The following FOXP2 variants were observed in gnomAD, a reference collection of about 807,000 sequenced individuals.
FOXP2 encodes forkhead box protein P2.
A neutral mutation model predicts 115.8 loss-of-function variants in FOXP2; 12 were observed. The observed-to-expected ratio is 0.10, with a 90% CI of 0.07 to 0.17. The LOEUF (loss-of-function observed/expected upper bound fraction) is 0.17, where lower values mean the gene tolerates loss of function less well. FOXP2 is among the 10% of genes least tolerant of loss of function. The probability of loss-of-function intolerance (pLI) is 1.00; values close to 1 mark genes in which losing one functional copy is unlikely to be tolerated. For synonymous variants in FOXP2, 328 were observed against 297.7 expected (o/e 1.10, Z -1.05); for missense variants, 629 against 843.5 (o/e 0.75, Z 3.15).
intron 2 of FOXP2, among the ~76,000 whole-genome samples, chr7:114,387,858 G>A (rs116440780): frequency 0.011 from 1,690 of 152,016 alleles, 32 homozygotes; most frequent in African/African-American, 0.039. Flanking sequence ...AGAAAGGGAG[G>A]GGTTATGGAG....
chr7:114,137,653 A>T (rs140839484), intron 1 of FOXP2, among the ~76,000 whole-genome samples: 1 of 151,594 alleles, frequency 6.6e-6, no homozygotes, highest in African/African-American at 2.4e-5. Context: ...ATTAAAAAAA[A>T]TGATTTATTT....
At chr7:114,525,270 C>G (rs1323866899) in intron 2 of FOXP2, among the ~76,000 whole-genome samples, 1 of 152,122 alleles carries the variant, frequency 6.6e-6, no homozygotes, top group African/African-American at 2.4e-5. Context: ...CAAAAGTCTT[C>G]GCCTGGAATA....
intron 2 of FOXP2, among the ~76,000 whole-genome samples, chr7:114,466,675 G>C (rs961234459): frequency 6.6e-6 from 1 of 152,198 alleles, no homozygotes; most frequent in South Asian, 2.1e-4. Context: ...TGGAACACTT[G>C]TGTTGAAACT....
At chr7:114,263,415 TCCCTTTC>T (rs1795812341) in intron 1 of FOXP2, among the ~76,000 whole-genome samples, 1 of 151,206 alleles carries the variant, frequency 6.6e-6, no homozygotes, top group African/African-American at 2.4e-5. Context: ...TTTTTCCTTT[TCCCTTTC>T]CCTTTCCTTT....
At chr7:114,399,448 C>T (rs1177941182) in intron 2 of FOXP2, among the ~76,000 whole-genome samples, 1 of 152,126 alleles carries the variant, frequency 6.6e-6, no homozygotes, top group Non-Finnish European at 1.5e-5. Context: ...ATTTTTCTGA[C>T]TGGCTTACAA....
chr7:114,429,306 A>C (rs182600883), intron 2 of FOXP2, among the ~76,000 whole-genome samples: 49 of 151,550 alleles, frequency 3.2e-4, no homozygotes, highest in African/African-American at 1.1e-3. Context: ...GATATCTTTA[A>C]ATTTTAAAGT....
At chr7:114,338,869 A>G (rs1307902329) in intron 2 of FOXP2, among the ~76,000 whole-genome samples, 2 of 151,062 alleles carry the variant, frequency 1.3e-5, no homozygotes, top group African/African-American at 4.8e-5. Context: ...ACCAGGTGTT[A>G]TTTCTAATAT....
At chr7:114,473,408 T>C (rs1264666895) in intron 2 of FOXP2, among the ~76,000 whole-genome samples, 1 of 152,194 alleles carries the variant, frequency 6.6e-6, no homozygotes, top group East Asian at 1.9e-4. Context: ...GTAGAGGCCA[T>C]AGTAGGCAGG....
At chr7:114,315,507 AT>A (rs1797254551) in intron 2 of FOXP2, among the ~76,000 whole-genome samples, 1 of 152,070 alleles carries the variant, frequency 6.6e-6, no homozygotes, top group South Asian at 2.1e-4. Flanking sequence ...GAAGTATTAT[AT>A]TTTGGGCTAG....
At chr7:114,644,176 G>A (rs548874459) in intron 7 of FOXP2, among the ~76,000 whole-genome samples, 1 of 152,222 alleles carries the variant, frequency 6.6e-6, no homozygotes, top group African/African-American at 2.4e-5. Flanking sequence ...TAAAGCTAAT[G>A]AATACTGTTC....
chr7:114,468,629 T>A (rs1464998889), intron 2 of FOXP2, among the ~76,000 whole-genome samples: 1 of 152,122 alleles, frequency 6.6e-6, no homozygotes, highest in African/African-American at 2.4e-5. Flanking sequence ...TTCTCATTCT[T>A]TTTAAATCTC....
chr7:114,585,819 A>AT (rs1044368333), intron 3 of FOXP2, among the ~76,000 whole-genome samples: 4 of 152,038 alleles, frequency 2.6e-5, no homozygotes, highest in Non-Finnish European at 5.9e-5. Flanking sequence ...GGGAGCTGAA[A>AT]TTTTTTTTAA....
intron 1 of FOXP2, among the ~76,000 whole-genome samples, chr7:114,091,435 G>A (rs551953044): frequency 4.5e-4 from 69 of 151,884 alleles, no homozygotes; most frequent in African/African-American, 1.6e-3. Context: ...TAGTTGCCTT[G>A]GCGATTTGCT....
intron 1 of FOXP2, among the ~76,000 whole-genome samples, chr7:114,144,630 A>G (rs1451574854): frequency 6.6e-6 from 1 of 152,132 alleles, no homozygotes; most frequent in Non-Finnish European, 1.5e-5. Context: ...AGTTTAAATT[A>G]TGATATATTA....
chr7:114,281,562 C>T (rs1796337514), intron 1 of FOXP2, among the ~76,000 whole-genome samples: 1 of 152,092 alleles, frequency 6.6e-6, no homozygotes, highest in Admixed American at 6.6e-5. Flanking sequence ...TTGATGATTG[C>T]TTGCTAACTT....
At chr7:114,363,719 A>G (rs1423403501) in intron 2 of FOXP2, among the ~76,000 whole-genome samples, 55 of 152,244 alleles carry the variant, frequency 3.6e-4, no homozygotes, top group Non-Finnish European at 5.9e-5. Context: ...CTTTTAAAAC[A>G]TGCTAGATAA....
chr7:114,451,914 A>G (rs1481677799), intron 2 of FOXP2, among the ~76,000 whole-genome samples: 1 of 151,942 alleles, frequency 6.6e-6, no homozygotes, highest in Non-Finnish European at 1.5e-5. Context: ...ATGACAACTA[A>G]TTTTTTATGC....
At chr7:114,571,479 A>G (rs1039624515) in intron 3 of FOXP2, among the ~76,000 whole-genome samples, 1 of 151,862 alleles carries the variant, frequency 6.6e-6, no homozygotes, top group Non-Finnish European at 1.5e-5. Context: ...CATAGATTCT[A>G]CCTGCATTCT....
chr7:114,159,674 C>G (rs1315008654), upstream of FOXP2, among the ~76,000 whole-genome samples: 1 of 104,974 alleles, frequency 9.5e-6, no homozygotes, highest in East Asian at 2.3e-4. Context: ...CCAGCTAATC[C>G]AGGACTAACG....
Sources: allele counts gnomAD v4.1 joint callset (sites outside exome capture counted in the v4.1 genomes callset), GRCh38; gene constraint gnomAD v4.1.1; transcripts MANE v1.5; gene names NCBI Gene and HGNC (gene_info 2026-07-23, HGNC 2026-07-21).